CELF2: variants seen among roughly 807,000 people sequenced by gnomAD.
CELF2 encodes CUGBP Elav-like family member 2.
In CELF2, 8 loss-of-function variants were observed where a neutral mutation model predicts 62.6. That is an observed-to-expected ratio of 0.13 (90% CI 0.07 to 0.23). CELF2 has a LOEUF of 0.23. Among genes scored for constraint, CELF2 ranks in the 10% least tolerant of loss-of-function variants. CELF2 has a pLI of 1.00. For synonymous variants in CELF2, 258 were observed against 250.0 expected, an observed-to-expected ratio of 1.03 and a Z score of -0.30; for missense variants, 333 against 671.0, an observed-to-expected ratio of 0.50 and a Z score of 5.56.
the CELF2 span, among the ~76,000 whole-genome samples, chr10:10,705,711 T>C: frequency 2.0e-5 from 3 of 152,192 alleles, no homozygotes; most frequent in Non-Finnish European, 2.9e-5. Flanking sequence ...GTCCAGATTC[T>C]TTATAAACCA....
the CELF2 span, among the ~76,000 whole-genome samples, chr10:10,621,852 T>G: frequency 6.6e-6 from 1 of 152,190 alleles, no homozygotes; most frequent in African/African-American, 2.4e-5. Flanking sequence ...GTAAGCACCC[T>G]TCCACCAGAT....
Position 11,145,299 on chromosome 10 carries a change from T to C in CELF2, c.75-20187T>C, listed in dbSNP as rs1380919306. ...GGCATCTGTGTGGCACAGATACTTT[T>C]ATGTGTTGTTGAAAGAGCTGGCTGA... On this transcript the variant is annotated intron_variant, in intron 1 of 12. Coordinates refer to ENST00000633077, the MANE Select transcript of CELF2 (RefSeq NM_001326342.2). This position sits in a 1 kb window ranked among gnomAD's most constrained non-coding sequence, Gnocchi z 4.3. Among the ~76,000 whole-genome samples the C allele has an allele frequency of 6.6e-6, 1 of 152,240 alleles. No individual in the cohort carries two copies.
chr10:10,956,408 G>A (rs575269623), intron 2 of CELF2, among the ~76,000 whole-genome samples: 51 of 152,212 alleles, frequency 3.4e-4, no homozygotes, highest in Admixed American at 2.4e-3. Flanking sequence ...TCCCTTTTTA[G>A]CAGTTATTTT....
chr10:10,497,779 C>T, the CELF2 span, among the ~76,000 whole-genome samples: 265 of 152,248 alleles, frequency 1.7e-3, 1 homozygote, highest in Non-Finnish European at 3.0e-3. Context: ...AAGAGGGCAC[C>T]GATACTGTAA....
chr10:10,547,833 G>A, the CELF2 span, among the ~76,000 whole-genome samples: 2 of 152,008 alleles, frequency 1.3e-5, no homozygotes, highest in Non-Finnish European at 2.9e-5. Flanking sequence ...CCATTGCTGA[G>A]CAAGATTTGC....
At chr10:11,213,227 C>A (rs989721999) in intron 2 of CELF2, among the ~76,000 whole-genome samples, 2 of 152,208 alleles carry the variant, frequency 1.3e-5, no homozygotes, top group Non-Finnish European at 2.9e-5. Context: ...AAAGAGCCAG[C>A]CCCTGGGTGT....
chr10:10,769,313 C>T, the CELF2 span, among the ~76,000 whole-genome samples: 38 of 152,196 alleles, frequency 2.5e-4, no homozygotes, highest in African/African-American at 9.1e-4. Context: ...ATGGGAAAGG[C>T]CTTCCAAGTA....
At chr10:10,774,070 A>G in the CELF2 span, among the ~76,000 whole-genome samples, 3 of 152,204 alleles carry the variant, frequency 2.0e-5, no homozygotes, top group African/African-American at 7.2e-5. Context: ...ACTAGTCCCA[A>G]ATCTGAATCA....
the CELF2 span, among the ~76,000 whole-genome samples, chr10:10,523,384 T>G: frequency 6.6e-6 from 1 of 152,234 alleles, no homozygotes. Flanking sequence ...ATTATGCAGA[T>G]AGATGTTTAC....
At chr10:10,623,713 T>C in the CELF2 span, among the ~76,000 whole-genome samples, 10,830 of 152,264 alleles carry the variant, frequency 0.071, 568 homozygotes, top group African/African-American at 0.15. Flanking sequence ...ATGACCATGA[T>C]GAGGATGTTA....
chr10:10,764,343 C>T, the CELF2 span, among the ~76,000 whole-genome samples: 5 of 152,298 alleles, frequency 3.3e-5, no homozygotes, highest in East Asian at 3.9e-4. Context: ...AACATGGCGC[C>T]GATCTCATAC....
intron 4 of CELF2, among the ~76,000 whole-genome samples, chr10:11,250,046 A>G (rs1016704624): frequency 3.3e-5 from 5 of 152,226 alleles, no homozygotes; most frequent in Admixed American, 6.5e-5. Flanking sequence ...TTAGAGATCT[A>G]CGTATCTGCA....
In CELF2 at chr10:11,125,112, C is replaced by G. The variant is rs1220378577; in HGVS notation, c.75-40374C>G. On this transcript the variant is annotated intron_variant, in intron 1 of 12. Coordinates refer to ENST00000633077, the MANE Select transcript of CELF2 (RefSeq NM_001326342.2). ...ATGATGGTTTCAGGTTCAACAGGCTCTCTTTTGAAATTGACCCAGTCAGTG... is the reference window on the plus strand; with the variant it reads ...ATGATGGTTTCAGGTTCAACAGGCTGTCTTTTGAAATTGACCCAGTCAGTG... Among the ~76,000 whole-genome samples the G allele has an allele frequency of 5.9e-5, 9 of 152,286 alleles. No homozygotes were observed. In the East Asian group the frequency reaches 1.7e-3, roughly 29 times the overall value.
At chr10:11,107,632 A>G (rs1300383127) in intron 1 of CELF2, among the ~76,000 whole-genome samples, 2 of 151,922 alleles carry the variant, frequency 1.3e-5, no homozygotes, top group Non-Finnish European at 2.9e-5. Flanking sequence ...CTTCCATTTT[A>G]AAGTCTTTTA....
At chr10:10,555,429 G>A in the CELF2 span, among the ~76,000 whole-genome samples, 11 of 152,054 alleles carry the variant, frequency 7.2e-5, no homozygotes, top group African/African-American at 2.7e-4. Context: ...CACATCATTG[G>A]TAAAAACGTG....
intron 1 of CELF2, among the ~76,000 whole-genome samples, chr10:11,090,425 C>T (rs1595014215): frequency 6.6e-6 from 1 of 151,900 alleles, no homozygotes; most frequent in East Asian, 1.9e-4. Context: ...TACTTCTTTC[C>T]CTCCTCCCAA....
the CELF2 span, among the ~76,000 whole-genome samples, chr10:10,772,023 A>G: frequency 3.6e-4 from 55 of 152,340 alleles, no homozygotes; most frequent in African/African-American, 1.3e-3. Flanking sequence ...AAAACCTTAG[A>G]CAATTCCATG....
chr10:11,130,770 C>T (rs961466340), intron 1 of CELF2, among the ~76,000 whole-genome samples: 1 of 152,160 alleles, frequency 6.6e-6, no homozygotes, highest in African/African-American at 2.4e-5. Flanking sequence ...GAAACATAGT[C>T]TGTTATTAGC....
chr10:10,652,618 A>C, the CELF2 span, among the ~76,000 whole-genome samples: 182 of 151,612 alleles, frequency 1.2e-3, 1 homozygote, highest in African/African-American at 4.1e-3. Flanking sequence ...TATCCAGCCA[A>C]ACTAAGCTTC....
Sources: allele counts gnomAD v4.1 joint callset (sites outside exome capture counted in the v4.1 genomes callset), GRCh38; gene constraint gnomAD v4.1.1; non-coding constraint Gnocchi (gnomAD v3.1); transcripts MANE v1.5; gene names NCBI Gene and HGNC (gene_info 2026-07-23, HGNC 2026-07-21).